PDE4D: variants seen among roughly 807,000 people sequenced by gnomAD.
The protein encoded by PDE4D is 3',5'-cyclic-AMP phosphodiesterase 4D.
A neutral mutation model predicts 87.4 loss-of-function variants in PDE4D; 24 were observed. The ratio of observed to expected loss-of-function variants is 0.27; its 90% CI spans 0.20 to 0.39. PDE4D has a LOEUF of 0.39. PDE4D is among the 10% of genes least tolerant of loss of function. The pLI is 1.00. For synonymous variants in PDE4D, 384 were observed against 383.2 expected, an observed-to-expected ratio of 1.00 and a Z score of -0.02; for missense variants, 714 against 1,041.0, an observed-to-expected ratio of 0.69 and a Z score of 4.32.
chr5:59,820,697 T>A (rs1769540933), intron 1 of PDE4D, among the ~76,000 whole-genome samples: 1 of 152,108 alleles, frequency 6.6e-6, no homozygotes, highest in Non-Finnish European at 1.5e-5. Flanking sequence ...TGCAAAAAAA[T>A]GAAAGAAAAA....
chr5:59,369,060 C>A (rs1335182192), intron 1 of PDE4D, among the ~76,000 whole-genome samples: 4 of 152,222 alleles, frequency 2.6e-5, no homozygotes, highest in African/African-American at 9.6e-5. Context: ...AAATTCAAGA[C>A]AAGTCCCCAA....
chr5:59,435,112 T>A (rs920068477), intron 1 of PDE4D, among the ~76,000 whole-genome samples: 1 of 152,112 alleles, frequency 6.6e-6, no homozygotes, highest in Admixed American at 6.6e-5. Flanking sequence ...CATTCTTTAA[T>A]CTCTCTCAAT....
intron 1 of PDE4D, among the ~76,000 whole-genome samples, chr5:59,602,354 C>A (rs1827628736): frequency 6.6e-6 from 1 of 151,952 alleles, no homozygotes; most frequent in African/African-American, 2.4e-5. Flanking sequence ...CCTTTAAGAT[C>A]CAGAGCAAGA....
intron 1 of PDE4D, among the ~76,000 whole-genome samples, chr5:60,331,286 A>C (rs563865614): frequency 2.3e-4 from 35 of 152,220 alleles, no homozygotes; most frequent in African/African-American, 8.4e-4. Flanking sequence ...CCTGTCCCAT[A>C]ATGTGACAGT....
rs556186512 is a variant in PDE4D, at chr5:60,466,807, C to A, written c.-90+21135G>T. 5.9e-5 allele frequency among the ~76,000 whole-genome samples: 9 copies of A among 152,156 alleles called. No individual in the cohort carries two copies. In the South Asian group the frequency reaches 1.5e-3, roughly 25 times the overall value. On this transcript the variant is annotated intron_variant, in intron 1 of 16. Coordinates refer to the PDE4D transcript ENST00000502484. Reference sequence around the variant, plus strand: ...TCCTGTTGAATTTATCCTGCCCCTTCGTTGTTCTCAGTAGTTGATTTTGCC... The same window carrying A: ...TCCTGTTGAATTTATCCTGCCCCTTAGTTGTTCTCAGTAGTTGATTTTGCC...
At chr5:59,124,322 A>T (rs965173165) in intron 5 of PDE4D, among the ~76,000 whole-genome samples, 12 of 152,208 alleles carry the variant, frequency 7.9e-5, no homozygotes, top group Non-Finnish European at 1.6e-4. Flanking sequence ...GTCTTGCTGT[A>T]AAACCAGGAG....
intron 1 of PDE4D, among the ~76,000 whole-genome samples, chr5:60,312,225 C>T (rs1270815878): frequency 6.6e-6 from 1 of 152,164 alleles, no homozygotes; most frequent in Non-Finnish European, 1.5e-5. Flanking sequence ...AACTCTCCAA[C>T]CAAAAATAAC....
intron 1 of PDE4D, among the ~76,000 whole-genome samples, chr5:60,462,574 C>T (rs1237371735): frequency 6.6e-6 from 1 of 152,164 alleles, no homozygotes; most frequent in African/African-American, 2.4e-5. Flanking sequence ...CTCACGGTGA[C>T]CACATAAACG....
At position 59,768,160 on chromosome 5, in the gene PDE4D, C is replaced by G; in HGVS notation, c.455+125008G>C. On this transcript the variant is annotated intron_variant, in intron 1 of 14. Coordinates refer to ENST00000340635, the MANE Select transcript of PDE4D (RefSeq NM_001104631.2). The stretch of plus-strand genomic sequence containing the variant: ...CGGTGAGGAATGATGATGGTCCTCC[C>G]TCCCTACCCCCAAAATTAAAGGCGC... The G allele has an allele frequency of 2.0e-6, 3 of 1,498,460 alleles. No individual in the cohort carries two copies. In the Admixed American group the frequency reaches 5.4e-5, roughly 27 times the overall value. The allele number at this position is 1,498,460 out of a possible 1,614,324, so 92.8% of individuals were successfully genotyped here. A position where few individuals can be genotyped will look rare whatever the true frequency, so the allele number is the denominator to read the frequency against.
chr5:59,227,656 A>G (rs1346948564), intron 1 of PDE4D, among the ~76,000 whole-genome samples: 2 of 152,210 alleles, frequency 1.3e-5, no homozygotes, highest in Admixed American at 1.3e-4. Context: ...GCTCAATATC[A>G]CTAATCATTA....
intron 1 of PDE4D, among the ~76,000 whole-genome samples, chr5:60,285,263 G>A (rs77364006): frequency 7.4e-4 from 112 of 152,130 alleles, no homozygotes; most frequent in African/African-American, 2.3e-3. Context: ...AACATGCACC[G>A]CCACAAAGGG....
At chr5:60,089,634 C>A (rs1430262567) in intron 2 of PDE4D, among the ~76,000 whole-genome samples, 2 of 150,638 alleles carry the variant, frequency 1.3e-5, no homozygotes, top group East Asian at 3.9e-4. Flanking sequence ...CTTCAAGGAA[C>A]TAAAAAAGCA....
rs114589085 is a variant in PDE4D at position 59,211,434 on chromosome 5, A to G, written c.647+4343T>C. Among the ~76,000 whole-genome samples the G allele has an allele frequency of 7.9e-3, 1,201 of 152,046 alleles. 25 individuals are homozygous for G. The highest frequency in any genetic ancestry group is 0.028 in the African/African-American group (1,151 of 41,510). ...TTGTACCTCCTTGAGCTTTTATTTTATTCTTAATCAAATTTTGATACTGCT... is the reference window on the plus strand; with the variant it reads ...TTGTACCTCCTTGAGCTTTTATTTTGTTCTTAATCAAATTTTGATACTGCT... On this transcript the variant is annotated intron_variant, in intron 2 of 14. Transcript: ENST00000340635.
chr5:59,931,189 C>G (rs1478172291), intron 3 of PDE4D, among the ~76,000 whole-genome samples: 1 of 152,172 alleles, frequency 6.6e-6, no homozygotes, highest in Non-Finnish European at 1.5e-5. Flanking sequence ...TGTCTATCAA[C>G]ATGTTTGGAC....
chr5:60,059,040 ATG>A lies in PDE4D; in HGVS notation c.43-70325_43-70324del, dbSNP rs70975363. ...TATCTATCTTTTTTGGCATTGTCAT[ATG>A]TGTGTGTGTGTGTGTGTGTGTGTGT... On this transcript the variant is annotated intron_variant, in intron 2 of 16. Transcript: ENST00000502484. 5.5e-3 allele frequency among the ~76,000 whole-genome samples: 780 copies of A among 142,414 alleles called. 2 individuals are homozygous for A. The highest frequency in any genetic ancestry group is 8.1e-3 in the Non-Finnish European group (528 of 65,404). 93.4% of individuals were successfully genotyped at this position (142,414 alleles called of 152,430 possible). A position where few individuals can be genotyped will look rare whatever the true frequency, so the allele number is the denominator to read the frequency against.
chr5:59,192,304 T>C (rs1744511692), intron 3 of PDE4D, among the ~76,000 whole-genome samples: 2 of 152,200 alleles, frequency 1.3e-5, no homozygotes, highest in African/African-American at 2.4e-5. Flanking sequence ...GTTTTTATAA[T>C]ATTATATTTT....
intron 1 of PDE4D, among the ~76,000 whole-genome samples, chr5:59,458,691 T>C (rs1800289063): frequency 6.6e-6 from 1 of 152,258 alleles, no homozygotes; most frequent in African/African-American, 2.4e-5. Context: ...CAACGATTTC[T>C]GGACCAGGTA....
At chr5:59,637,519 T>C in intron 1 of PDE4D, among the ~76,000 whole-genome samples, 1 of 151,706 alleles carries the variant, frequency 6.6e-6, no homozygotes, top group East Asian at 1.9e-4. Flanking sequence ...AATGATAGAC[T>C]GGATGAAGAA....
intron 1 of PDE4D, among the ~76,000 whole-genome samples, chr5:59,682,632 C>A (rs557456805): frequency 1.3e-5 from 2 of 152,254 alleles, no homozygotes; most frequent in South Asian, 2.1e-4. Flanking sequence ...ATAAAAGAGA[C>A]CCCAGAGAAC....
Sources: allele counts gnomAD v4.1 joint callset (sites outside exome capture counted in the v4.1 genomes callset), GRCh38; gene constraint gnomAD v4.1.1; transcripts MANE v1.5; gene names NCBI Gene and HGNC (gene_info 2026-07-23, HGNC 2026-07-21).